TYW1B: variants seen among roughly 807,000 people sequenced by gnomAD.
The protein encoded by TYW1B is S-adenosyl-L-methionine-dependent tRNA 4-demethylwyosine synthase TYW1B.
In TYW1B, 73 loss-of-function variants were observed where a neutral mutation model predicts 86.9. That is an observed-to-expected ratio of 0.84 (90% CI 0.70 to 1.02). TYW1B has a LOEUF of 1.02. TYW1B is among the 50% of genes least tolerant of loss of function. The pLI, the probability that TYW1B is intolerant of heterozygous loss-of-function variation, is 0.00. For missense variants in TYW1B, 637 were observed against 827.4 expected (o/e 0.77, Z 2.82); for synonymous variants, 248 against 292.8 (o/e 0.85, Z 1.56).
intron 13 of TYW1B, among the ~76,000 whole-genome samples, chr7:72,599,079 A>G (rs570808126): frequency 2.0e-4 from 31 of 152,282 alleles, no homozygotes; most frequent in African/African-American, 7.2e-4. Flanking sequence ...AGATAAAGAT[A>G]CTACAAGAAA....
chr7:72,639,760 G>A (rs1336177449), intron 11 of TYW1B, among the ~76,000 whole-genome samples: 1 of 151,960 alleles, frequency 6.6e-6, no homozygotes, highest in Non-Finnish European at 1.5e-5. Flanking sequence ...CAGCTACTCG[G>A]GAGGCTCAGG....
At chr7:72,722,386 G>A (rs1212350126) in intron 9 of TYW1B, among the ~76,000 whole-genome samples, 4 of 152,172 alleles carry the variant, frequency 2.6e-5, no homozygotes, top group East Asian at 1.9e-4. Context: ...TTTGCTGAAC[G>A]AGTGGAAAAC....
At chr7:72,782,438 T>C (rs781842471) in intron 6 of TYW1B, among the ~76,000 whole-genome samples, 3 of 151,816 alleles carry the variant, frequency 2.0e-5, no homozygotes, top group East Asian at 1.9e-4. Context: ...TAAAATGCTA[T>C]ACAGTCGGAA....
rs370760583 is a variant in TYW1B at position 72,808,424 on chromosome 7, G to A, written c.433-1068C>T. 2.8e-4 allele frequency among the ~76,000 whole-genome samples: 42 copies of A among 152,036 alleles called. No individual in the cohort carries two copies. The East Asian group carries it at 7.7e-3, about 28-fold the overall frequency. On this transcript the variant is annotated intron_variant, in intron 4 of 13. Coordinates refer to ENST00000620995, the MANE Select transcript of TYW1B (RefSeq NM_001145440.3). ...CACTGAACTCCAACCTAGGCAACAC[G>A]GTGAGACCCTGTCTCAAAAAACACA...
At chr7:72,593,628 C>G (rs1172460145) in intron 13 of TYW1B, among the ~76,000 whole-genome samples, 2 of 151,940 alleles carry the variant, frequency 1.3e-5, no homozygotes, top group Non-Finnish European at 2.9e-5. Context: ...CGAGACCATC[C>G]TGGCTAACAC....
chr7:72,623,182 C>A (rs1554438272), intron 12 of TYW1B, among the ~76,000 whole-genome samples: 3 of 152,180 alleles, frequency 2.0e-5, no homozygotes, highest in Non-Finnish European at 4.4e-5. Context: ...ACTCTGAATG[C>A]ACACACATAC....
At chr7:72,783,403 A>C (rs1366273340) in intron 6 of TYW1B, among the ~76,000 whole-genome samples, 1 of 151,370 alleles carries the variant, frequency 6.6e-6, no homozygotes, top group African/African-American at 2.4e-5. Context: ...AAAAAAAAGA[A>C]ACTTTTATTC....
intron 13 of TYW1B, among the ~76,000 whole-genome samples, chr7:72,602,092 C>A (rs1233560874): frequency 2.6e-5 from 4 of 152,082 alleles, no homozygotes; most frequent in Non-Finnish European, 5.9e-5. Flanking sequence ...GGAGTGAAGA[C>A]TGATAAGATA....
chr7:72,707,486 T>G (rs1554453904), intron 10 of TYW1B, among the ~76,000 whole-genome samples: 1 of 152,266 alleles, frequency 6.6e-6, no homozygotes, highest in East Asian at 1.9e-4. Context: ...CATATTAAAA[T>G]ATATCAGTAC....
At chr7:72,699,711 G>A (rs1814413063) in intron 10 of TYW1B, among the ~76,000 whole-genome samples, 3 of 150,882 alleles carry the variant, frequency 2.0e-5, no homozygotes, top group Admixed American at 6.6e-5. Flanking sequence ...GTGCAGGGGC[G>A]TGATCTCGGC....
intron 12 of TYW1B, among the ~76,000 whole-genome samples, chr7:72,623,694 C>G (rs1484906897): frequency 6.6e-6 from 1 of 152,146 alleles, no homozygotes; most frequent in Non-Finnish European, 1.5e-5. Flanking sequence ...ATAACAGATT[C>G]ACTTCTAAGT....
chr7:72,720,473 CA>C (rs1349765981), intron 9 of TYW1B, among the ~76,000 whole-genome samples: 1 of 151,658 alleles, frequency 6.6e-6, no homozygotes, highest in Non-Finnish European at 1.5e-5. Context: ...CAAAAACAAA[CA>C]AAATACAAGA....
chr7:72,826,732 T>C (rs1240581445), intron 2 of TYW1B, 123 bp downstream of exon 2: 2 of 1,250,326 alleles, frequency 1.6e-6, no homozygotes, highest in African/African-American at 1.6e-5. Flanking sequence ...AAATTTATTT[T>C]AGGCATTTCA....
At chr7:72,735,443 G>A (rs1274289958) in intron 8 of TYW1B, among the ~76,000 whole-genome samples, 5 of 151,958 alleles carry the variant, frequency 3.3e-5, no homozygotes, top group Non-Finnish European at 7.4e-5. Flanking sequence ...GTGGTGGCAC[G>A]AGCCTGTAAT....
chr7:72,745,653 T>C (rs1386735669), intron 7 of TYW1B, among the ~76,000 whole-genome samples: 1 of 151,898 alleles, frequency 6.6e-6, no homozygotes, highest in Non-Finnish European at 1.5e-5. Flanking sequence ...GACTTTCTCC[T>C]AAGGTCAGTG....
chr7:72,786,734 C>T (rs1788136960), intron 6 of TYW1B, among the ~76,000 whole-genome samples: 1 of 151,834 alleles, frequency 6.6e-6, no homozygotes, highest in African/African-American at 2.4e-5. Context: ...ACCATCACGC[C>T]AAGCTAATTT....
At chr7:72,686,339 T>C (rs1554449384) in intron 11 of TYW1B, among the ~76,000 whole-genome samples, 1 of 152,152 alleles carries the variant, frequency 6.6e-6, no homozygotes, top group African/African-American at 2.4e-5. Context: ...GAATAAACTG[T>C]GGTACATCCA....
chr7:72,706,564 T>C (rs11762952), intron 10 of TYW1B, among the ~76,000 whole-genome samples: 9 of 152,334 alleles, frequency 5.9e-5, no homozygotes, highest in Non-Finnish European at 8.8e-5. Flanking sequence ...TCTTCCATTG[T>C]TCTGGGACTA....
intron 13 of TYW1B, among the ~76,000 whole-genome samples, chr7:72,610,963 C>T (rs1554435806): frequency 6.6e-6 from 1 of 152,182 alleles, no homozygotes; most frequent in Non-Finnish European, 1.5e-5. Context: ...CCATTCAATG[C>T]TATCTGTGAT....
Sources: gnomAD v4.1 joint callset for allele counts (sites outside exome capture counted in the v4.1 genomes callset) on GRCh38, gnomAD v4.1.1 for gene constraint, MANE v1.5 for transcripts, NCBI Gene and HGNC (gene_info 2026-07-23, HGNC 2026-07-21) for gene names.